TRHDE: variants seen among roughly 807,000 people sequenced by gnomAD.
TRHDE encodes the protein thyrotropin releasing hormone degrading enzyme.
TRHDE carries 72 observed loss-of-function variants against 125.7 expected under a neutral mutation model. The observed-to-expected ratio is 0.57, with a 90% CI of 0.47 to 0.70. The LOEUF is 0.70. TRHDE is among the 30% of genes least tolerant of loss of function. The pLI is 0.00. For missense variants in TRHDE, 1,110 were observed against 1,327.1 expected, an observed-to-expected ratio of 0.84 and a Z score of 2.54; for synonymous variants, 509 against 509.1, an observed-to-expected ratio of 1.00 and a Z score of 0.00.
chr12:72,568,586 A>G lies in TRHDE; in HGVS notation c.2061A>G (p.Pro687=), dbSNP rs1028796667. 9.9e-6 allele frequency: 16 copies of G among 1,610,926 alleles called. No homozygotes were observed. The highest frequency in any genetic ancestry group is 1.4e-5 in the Non-Finnish European group (16 of 1,178,118). The change falls in exon 10 of 19, where the codon CCA becomes CCG. Residue 687 remains proline (P), a synonymous_variant. Transcript: ENST00000261180. ...LQNNSYLWQI[P]LTIVVGNRSH... ...TTTGCAGTTACCTGTGGCAGATTCC[A>G]TTAACTATTGTGGTAGGAAATAGAA... is the stretch of plus-strand genomic sequence containing the variant.
chr12:72,609,867 C>T (rs1012614750), intron 12 of TRHDE, among the ~76,000 whole-genome samples: 2 of 137,638 alleles, frequency 1.5e-5, no homozygotes, highest in East Asian at 2.3e-4. Context: ...GTAGACTCAA[C>T]CTCTGAAAAA....
At chr12:72,370,894 C>A (rs749358058) in intron 2 of TRHDE, among the ~76,000 whole-genome samples, 76 of 152,066 alleles carry the variant, frequency 5.0e-4, no homozygotes, top group Non-Finnish European at 1.8e-4. Flanking sequence ...AGGCATGCAC[C>A]ACCATGCTCA....
chr12:72,337,623 C>T (rs1869887424), intron 2 of TRHDE, among the ~76,000 whole-genome samples: 1 of 151,856 alleles, frequency 6.6e-6, no homozygotes, highest in Non-Finnish European at 1.5e-5. Flanking sequence ...ATGTCTTTTC[C>T]TCTGAGCCAA....
chr12:72,252,888 A>G (rs1878717157), intron 2 of TRHDE, among the ~76,000 whole-genome samples: 1 of 152,098 alleles, frequency 6.6e-6, no homozygotes, highest in African/African-American at 2.4e-5. Context: ...CATTAAGTTT[A>G]TACCTCAATA....
chr12:72,384,539 A>G (rs186721100), intron 3 of TRHDE, among the ~76,000 whole-genome samples: 1 of 152,262 alleles, frequency 6.6e-6, no homozygotes, highest in Admixed American at 6.5e-5. Flanking sequence ...GAGAAGTCTT[A>G]TTTTTACTTC....
chr12:72,137,320 T>C (rs1876008040), intron 2 of TRHDE: 1 of 152,220 alleles, frequency 6.6e-6, no homozygotes, highest in Non-Finnish European at 1.5e-5. Flanking sequence ...AGAGATTATT[T>C]TTGAAACCTT....
At chr12:72,595,818 G>T (rs944753077) in intron 12 of TRHDE, among the ~76,000 whole-genome samples, 2 of 151,980 alleles carry the variant, frequency 1.3e-5, no homozygotes, top group Non-Finnish European at 2.9e-5. Flanking sequence ...ATATAGCTTA[G>T]GCCCAGTGAG....
At chr12:72,139,298 G>C (rs1876059815) in intron 2 of TRHDE, among the ~76,000 whole-genome samples, 1 of 151,876 alleles carries the variant, frequency 6.6e-6, no homozygotes. Flanking sequence ...TGGCTTTTAA[G>C]GGTAAATTTA....
intron 2 of TRHDE, among the ~76,000 whole-genome samples, chr12:72,369,329 G>C (rs1433138205): frequency 6.6e-6 from 1 of 152,056 alleles, no homozygotes; most frequent in Non-Finnish European, 1.5e-5. Flanking sequence ...GTTTTGTGTT[G>C]GTTACTACAG....
chr12:72,642,914 A>C (rs1001448269), intron 15 of TRHDE, among the ~76,000 whole-genome samples: 5 of 152,194 alleles, frequency 3.3e-5, no homozygotes, highest in Admixed American at 1.3e-4. Context: ...ATACAAAGAG[A>C]TCTTAAACTG....
chr12:72,404,859 C>T (rs948072668), intron 3 of TRHDE, among the ~76,000 whole-genome samples: 6 of 152,122 alleles, frequency 3.9e-5, no homozygotes, highest in Admixed American at 3.3e-4. Context: ...TAACCATGGG[C>T]AAGTTTGTTA....
chr12:72,125,152 C>T (rs1021054836), intron 2 of TRHDE, among the ~76,000 whole-genome samples: 2 of 151,734 alleles, frequency 1.3e-5, no homozygotes, highest in African/African-American at 4.8e-5. Flanking sequence ...TTTTTTTAAG[C>T]ATTGGTACTA....
At chr12:72,637,611 G>T (rs1446705558) in intron 15 of TRHDE, among the ~76,000 whole-genome samples, 1 of 151,902 alleles carries the variant, frequency 6.6e-6, no homozygotes, top group Non-Finnish European at 1.5e-5. Context: ...GTCAATTTTG[G>T]ATCTTTCCTG....
At chr12:72,398,820 C>T (rs1371847585) in intron 3 of TRHDE, among the ~76,000 whole-genome samples, 1 of 152,152 alleles carries the variant, frequency 6.6e-6, no homozygotes, top group Non-Finnish European at 1.5e-5. Context: ...TCCAGAGGTG[C>T]AGATTAAGTT....
intron 2 of TRHDE, among the ~76,000 whole-genome samples, chr12:72,236,335 T>C (rs2139377092): frequency 6.6e-6 from 1 of 152,342 alleles, no homozygotes; most frequent in Non-Finnish European, 1.5e-5. Context: ...CTTGTTGCAA[T>C]GTAAAGCAGT....
intron 15 of TRHDE, among the ~76,000 whole-genome samples, chr12:72,640,333 G>A (rs113660489): frequency 6.6e-6 from 1 of 152,314 alleles, no homozygotes; most frequent in East Asian, 1.9e-4. Flanking sequence ...TGCGCTTCCC[G>A]AGTGAGGCAA....
At chr12:72,591,486 C>G (rs1871678903) in intron 12 of TRHDE, among the ~76,000 whole-genome samples, 1 of 151,580 alleles carries the variant, frequency 6.6e-6, no homozygotes, top group Non-Finnish European at 1.5e-5. Context: ...CATATATATA[C>G]TTTAAAAAAC....
At chr12:72,361,227 A>G (rs1040163850) in intron 2 of TRHDE, among the ~76,000 whole-genome samples, 1 of 151,806 alleles carries the variant, frequency 6.6e-6, no homozygotes, top group Non-Finnish European at 1.5e-5. Flanking sequence ...AAGAACATTG[A>G]CTTTACCATG....
chr12:72,124,933 T>A (rs1875678238), intron 2 of TRHDE, among the ~76,000 whole-genome samples: 1 of 152,206 alleles, frequency 6.6e-6, no homozygotes, highest in Non-Finnish European at 1.5e-5. Flanking sequence ...AAAGTAAAGT[T>A]ACTGTAACAA....
Sources: allele counts gnomAD v4.1 joint callset (sites outside exome capture counted in the v4.1 genomes callset), GRCh38; gene constraint gnomAD v4.1.1; transcripts MANE v1.5; gene names NCBI Gene and HGNC (gene_info 2026-07-23, HGNC 2026-07-21).